The following RBFOX1 variants were observed in gnomAD, a reference collection of about 807,000 sequenced individuals.
RBFOX1 encodes the protein RNA binding fox-1 homolog 1.
RBFOX1 carries 8 observed loss-of-function variants against 57.7 expected under a neutral mutation model. The ratio of observed to expected loss-of-function variants is 0.14; its 90% CI spans 0.08 to 0.25. RBFOX1 has a LOEUF of 0.25. Among genes scored for constraint, RBFOX1 ranks in the 10% least tolerant of loss-of-function variants. RBFOX1 has a pLI of 1.00. For missense variants in RBFOX1, 611 were observed against 548.5 expected (o/e 1.11, Z -1.14); for synonymous variants, 326 against 222.4 (o/e 1.47, Z -4.15).
intron 2 of RBFOX1, among the ~76,000 whole-genome samples, chr16:6,529,684 C>G (rs191671548): frequency 6.3e-4 from 96 of 152,006 alleles, no homozygotes; most frequent in African/African-American, 2.1e-3. Flanking sequence ...GAAATAAGAA[C>G]CATTAGTGAT....
intron 1 of RBFOX1, among the ~76,000 whole-genome samples, chr16:6,162,314 C>T (rs979074992): frequency 6.6e-6 from 1 of 152,096 alleles, no homozygotes; most frequent in Non-Finnish European, 1.5e-5. Context: ...CGGGGTTTCA[C>T]CATGTTGGCA....
intron 11 of RBFOX1, among the ~76,000 whole-genome samples, chr16:7,652,744 T>C (rs116736491): frequency 9.2e-4 from 140 of 152,304 alleles, no homozygotes; most frequent in African/African-American, 3.3e-3. Flanking sequence ...CCCAGACTTA[T>C]CGCGTATTTG....
intron 2 of RBFOX1, among the ~76,000 whole-genome samples, chr16:5,470,479 C>T (rs778486900): frequency 7.9e-5 from 12 of 152,116 alleles, no homozygotes; most frequent in Non-Finnish European, 1.6e-4. Flanking sequence ...CACACATTCT[C>T]TCTGTCTGTC....
chr16:6,087,382 C>A (rs1273516756), intron 1 of RBFOX1, among the ~76,000 whole-genome samples: 1 of 152,004 alleles, frequency 6.6e-6, no homozygotes, highest in Non-Finnish European at 1.5e-5. Flanking sequence ...GTATATGTAT[C>A]TACAGAAATA....
chr16:5,488,864 G>A (rs1031531020), intron 2 of RBFOX1, among the ~76,000 whole-genome samples: 1 of 152,110 alleles, frequency 6.6e-6, no homozygotes, highest in African/African-American at 2.4e-5. Flanking sequence ...TGATAATGGA[G>A]GATTATGGAG....
At chr16:6,541,586 G>C (rs1459897580) in intron 2 of RBFOX1, among the ~76,000 whole-genome samples, 1 of 152,220 alleles carries the variant, frequency 6.6e-6, no homozygotes, top group Admixed American at 6.5e-5. Flanking sequence ...TCACTGTAGA[G>C]TTTTAAATAG....
chr16:7,342,709 C>A (rs1024178957), intron 4 of RBFOX1, among the ~76,000 whole-genome samples: 1 of 152,040 alleles, frequency 6.6e-6, no homozygotes, highest in Non-Finnish European at 1.5e-5. Context: ...GGGAGAGATG[C>A]CACCATGGAG....
intron 1 of RBFOX1, among the ~76,000 whole-genome samples, chr16:6,238,523 C>A (rs1333550781): frequency 6.6e-6 from 1 of 152,166 alleles, no homozygotes; most frequent in Middle Eastern, 3.2e-3. Flanking sequence ...TGTCCAAACC[C>A]TATCCGTAGC....
intron 1 of RBFOX1, among the ~76,000 whole-genome samples, chr16:6,298,441 A>G (rs1350016548): frequency 2.0e-5 from 3 of 152,208 alleles, no homozygotes; most frequent in Non-Finnish European, 4.4e-5. Context: ...GACATAAAAA[A>G]CAATCATCAA....
intron 4 of RBFOX1, among the ~76,000 whole-genome samples, chr16:7,283,198 T>G (rs575468297): frequency 3.9e-5 from 6 of 152,106 alleles, no homozygotes; most frequent in East Asian, 2.0e-4. Context: ...AGTGGTGGGT[T>G]AAGCATTTTG....
chr16:7,292,298 A>G (rs1479094454), intron 4 of RBFOX1, among the ~76,000 whole-genome samples: 1 of 129,464 alleles, frequency 7.7e-6, no homozygotes, highest in Non-Finnish European at 1.6e-5. Flanking sequence ...CATATATGAT[A>G]TATGATATAT....
At chr16:7,043,123 C>A (rs963313706) in intron 3 of RBFOX1, among the ~76,000 whole-genome samples, 1 of 147,544 alleles carries the variant, frequency 6.8e-6, no homozygotes, top group African/African-American at 2.5e-5. Context: ...GGGAGGTCCT[C>A]CCGCCCAACT....
chr16:5,247,246 G>C (rs2062324885), intron 1 of RBFOX1, among the ~76,000 whole-genome samples: 1 of 152,196 alleles, frequency 6.6e-6, no homozygotes, highest in Admixed American at 6.5e-5. Flanking sequence ...GTGCAAGGAA[G>C]TGCAGGATGC....
chr16:6,847,379 G>A (rs1468885292), intron 3 of RBFOX1, among the ~76,000 whole-genome samples: 4 of 152,084 alleles, frequency 2.6e-5, no homozygotes, highest in African/African-American at 7.2e-5. Context: ...TGCCCTATGT[G>A]TGCACATTCT....
intron 1 of RBFOX1, among the ~76,000 whole-genome samples, chr16:5,373,490 A>G (rs931391222): frequency 1.3e-5 from 2 of 152,076 alleles, no homozygotes; most frequent in South Asian, 4.2e-4. Context: ...TCCTCTGCCC[A>G]TGTAAGACGC....
intron 3 of RBFOX1, among the ~76,000 whole-genome samples, chr16:5,666,355 A>G (rs1177056847): frequency 6.6e-6 from 1 of 152,184 alleles, no homozygotes; most frequent in Non-Finnish European, 1.5e-5. Flanking sequence ...ATTCCTCAGC[A>G]CAGTGAACAG....
intron 3 of RBFOX1, among the ~76,000 whole-genome samples, chr16:7,048,784 T>G (rs1447747949): frequency 6.6e-6 from 1 of 152,220 alleles, no homozygotes; most frequent in East Asian, 1.9e-4. Context: ...TAAGTCATTT[T>G]GGTTTGTATT....
chr16:6,393,896 G>C (rs886115539), intron 2 of RBFOX1, among the ~76,000 whole-genome samples: 2 of 152,188 alleles, frequency 1.3e-5, no homozygotes, highest in East Asian at 1.9e-4. Context: ...CCTGTCCCAG[G>C]CAAACTGGGA....
At chr16:5,477,996 T>A (rs907702319) in intron 2 of RBFOX1, among the ~76,000 whole-genome samples, 2 of 152,136 alleles carry the variant, frequency 1.3e-5, no homozygotes, top group Non-Finnish European at 2.9e-5. Context: ...CACTTCTAGG[T>A]AACCCTTCCT....
Sources: allele counts gnomAD v4.1 joint callset (sites outside exome capture counted in the v4.1 genomes callset), GRCh38; gene constraint gnomAD v4.1.1; transcripts MANE v1.5; gene names NCBI Gene and HGNC (gene_info 2026-07-23, HGNC 2026-07-21).